Variants in UTS2B observed in about 807,000 individuals in gnomAD.
UTS2B encodes the protein urotensin-2B.
Under a neutral mutation model 19.2 loss-of-function variants are expected in UTS2B, and 21 were observed. That is an observed-to-expected ratio of 1.09 (90% CI 0.78 to 1.58). The LOEUF (loss-of-function observed/expected upper bound fraction) is 1.58, where lower values mean the gene tolerates loss of function less well. UTS2B is among the 40% of genes most tolerant of loss of function. The pLI is 0.00. For missense variants in UTS2B, 138 were observed against 130.3 expected, an observed-to-expected ratio of 1.06 and a Z score of -0.29; for synonymous variants, 57 against 50.2, an observed-to-expected ratio of 1.14 and a Z score of -0.58.
In UTS2B at chr3:191,275,234, C is replaced by G. The variant is rs779597404; in HGVS notation, c.334+18G>C. 7 of 1,565,910 alleles carry G rather than the reference C, an allele frequency of 4.5e-6. No individual in the cohort carries two copies. In the East Asian group the frequency reaches 1.6e-4, roughly 36 times the overall value. On this transcript the variant is annotated intron_variant, in intron 8 of 8. Coordinates refer to ENST00000340524, the MANE Select transcript of UTS2B (RefSeq NM_198152.5). The stretch of plus-strand genomic sequence containing the variant: ...ATCTTTTGGAAGTCAATCTTAAAAC[C>G]TTGAAATGAAAGCTTACCTCGTTTG...
upstream of UTS2B, among the ~76,000 whole-genome samples, chr3:191,333,250 G>T (rs117151709): frequency 6.6e-6 from 1 of 152,268 alleles, no homozygotes; most frequent in East Asian, 1.9e-4. Context: ...TACATTTTTA[G>T]AAATGTCTGT....
chr3:191,290,045 C>T (rs940186358), intron 4 of UTS2B, among the ~76,000 whole-genome samples: 1 of 152,114 alleles, frequency 6.6e-6, no homozygotes, highest in East Asian at 1.9e-4. Context: ...TCATGTTGTA[C>T]ACAATAGATG....
chr3:191,331,324 C>T (rs144842284), upstream of UTS2B, among the ~76,000 whole-genome samples: 21 of 152,280 alleles, frequency 1.4e-4, no homozygotes, highest in East Asian at 3.9e-3. Flanking sequence ...TCTTCATATA[C>T]ATTTATATTA....
the UTS2B span, among the ~76,000 whole-genome samples, chr3:191,345,761 A>C: frequency 6.6e-6 from 1 of 151,898 alleles, no homozygotes; most frequent in Non-Finnish European, 1.5e-5. Flanking sequence ...ACTCAGGAAC[A>C]TACTTTGATA....
At chr3:191,312,195 C>G (rs994262902) in intron 3 of UTS2B, among the ~76,000 whole-genome samples, 1 of 151,628 alleles carries the variant, frequency 6.6e-6, no homozygotes, top group Non-Finnish European at 1.5e-5. Flanking sequence ...TTAGTGTAAC[C>G]CTTCACCAAC....
upstream of UTS2B, among the ~76,000 whole-genome samples, chr3:191,331,753 A>C (rs147920200): frequency 2.6e-5 from 4 of 152,178 alleles, no homozygotes; most frequent in Non-Finnish European, 5.9e-5. Context: ...ATCCTTCCCT[A>C]ATATAACTCT....
chr3:191,296,881 A>G (rs1450162199), intron 4 of UTS2B, among the ~76,000 whole-genome samples: 1 of 152,232 alleles, frequency 6.6e-6, no homozygotes, highest in African/African-American at 2.4e-5. Flanking sequence ...GGAGGAAATA[A>G]CTGGCATTGA....
At chr3:191,324,153 G>A (rs1350781886) in intron 2 of UTS2B, among the ~76,000 whole-genome samples, 2 of 152,112 alleles carry the variant, frequency 1.3e-5, no homozygotes, top group East Asian at 3.9e-4. Flanking sequence ...GAAGAAGAGA[G>A]ACCTTAGCTA....
intron 8 of UTS2B, among the ~76,000 whole-genome samples, chr3:191,274,465 A>T (rs892877976): frequency 4.6e-5 from 7 of 152,204 alleles, no homozygotes; most frequent in African/African-American, 1.7e-4. Flanking sequence ...AGGCAGAGAA[A>T]ATTAGATAAC....
At chr3:191,318,404 G>C (rs1355576730) in intron 2 of UTS2B, among the ~76,000 whole-genome samples, 3 of 152,140 alleles carry the variant, frequency 2.0e-5, no homozygotes, top group African/African-American at 7.2e-5. Flanking sequence ...CTGCAGAAAA[G>C]TTGACTGAAT....
At position 191,282,091 on chromosome 3, in the gene UTS2B, G is replaced by A. The variant is rs756916389; in HGVS notation, c.99C>T (p.Thr33=). The change falls in exon 5 of 9, where the codon ACC becomes ACT. Residue 33 remains threonine (T), a synonymous_variant. Coordinates refer to ENST00000340524, the MANE Select transcript of UTS2B (RefSeq NM_198152.5). The part of the protein sequence containing the change: ...LQSVHGRPYL[T]QGNEIFPDKK... ...TTTTAATTGATATGCACGTACCTTG[G>A]GTAAGATATGGTCGTCCATGCACAG... 6.2e-7 allele frequency: 1 copy of A among 1,606,648 alleles called. No individual in the cohort carries two copies. Among genetic ancestry groups the A allele is most frequent in the Non-Finnish European group, 8.5e-7 (1 of 1,174,588 alleles).
chr3:191,329,824 C>T (rs1372671001), intron 1 of UTS2B: 4 of 1,226,226 alleles, frequency 3.3e-6, no homozygotes, highest in Non-Finnish European at 4.6e-6. Context: ...CGGCCCTCGC[C>T]CGGTGCCCGC....
At chr3:191,296,142 C>CT (rs1716852356) in intron 4 of UTS2B, among the ~76,000 whole-genome samples, 1 of 152,176 alleles carries the variant, frequency 6.6e-6, no homozygotes, top group Non-Finnish European at 1.5e-5. Context: ...CTGTCTTCCC[C>CT]TTTTCACAAT....
At chr3:191,278,257 T>C (rs1364573667) in intron 5 of UTS2B, 87 bp from the exon 6 acceptor site, 2 of 664,142 alleles carry the variant, frequency 3.0e-6, no homozygotes, top group African/African-American at 3.8e-5. Flanking sequence ...TATCAATTTG[T>C]ATATTTGACA....
At chr3:191,339,737 A>G in the UTS2B span, among the ~76,000 whole-genome samples, 1 of 152,198 alleles carries the variant, frequency 6.6e-6, no homozygotes, top group African/African-American at 2.4e-5. Context: ...ATTTGTATTC[A>G]CTGGACAGTT....
upstream of UTS2B, among the ~76,000 whole-genome samples, chr3:191,335,007 T>C (rs1479571279): frequency 6.6e-6 from 1 of 152,190 alleles, no homozygotes; most frequent in Non-Finnish European, 1.5e-5. Context: ...CTCTGGTATA[T>C]TCATTCTAAA....
At chr3:191,334,811 T>A (rs535154644), upstream of UTS2B, among the ~76,000 whole-genome samples, 97 of 152,296 alleles carry the variant, frequency 6.4e-4, no homozygotes, top group African/African-American at 2.1e-3. Context: ...AGAATGAAAA[T>A]AATAAGGCTT....
At chr3:191,343,274 G>A in the UTS2B span, among the ~76,000 whole-genome samples, 789 of 152,296 alleles carry the variant, frequency 5.2e-3, 3 homozygotes, top group Middle Eastern at 0.017. Flanking sequence ...AGTGATGTTA[G>A]TTTGTTTAAG....
the UTS2B span, among the ~76,000 whole-genome samples, chr3:191,341,181 G>A: frequency 6.6e-6 from 1 of 152,270 alleles, no homozygotes; most frequent in Non-Finnish European, 1.5e-5. Context: ...ATGTTAATCA[G>A]TGACTTAGTG....
Sources: gnomAD v4.1 joint callset for allele counts (sites outside exome capture counted in the v4.1 genomes callset) on GRCh38, gnomAD v4.1.1 for gene constraint, MANE v1.5 for transcripts, NCBI Gene and HGNC (gene_info 2026-07-23, HGNC 2026-07-21) for gene names.